Variants in DNAH8 observed in about 807,000 individuals in gnomAD.
DNAH8 encodes the protein dynein axonemal heavy chain 8.
DNAH8 carries 382 observed loss-of-function variants against 562.1 expected under a neutral mutation model. That is an observed-to-expected ratio of 0.68 (90% CI 0.63 to 0.74). The LOEUF is 0.74. Among genes scored for constraint, DNAH8 ranks in the 30% least tolerant of loss-of-function variants. The pLI is 0.00. For missense variants in DNAH8, 5,203 were observed against 5,620.4 expected (o/e 0.93, Z 2.37); for synonymous variants, 1,881 against 1,919.4 (o/e 0.98, Z 0.52).
chr6:38,869,147 A>G (rs1777279922), intron 48 of DNAH8, among the ~76,000 whole-genome samples: 1 of 152,202 alleles, frequency 6.6e-6, no homozygotes, highest in Non-Finnish European at 1.5e-5. Flanking sequence ...TTAGTGTTAC[A>G]AAGTCTTTTC....
chr6:38,908,321 T>C (rs1479785155), intron 64 of DNAH8, among the ~76,000 whole-genome samples: 1 of 152,196 alleles, frequency 6.6e-6, no homozygotes, highest in Non-Finnish European at 1.5e-5. Context: ...TATTAAAAAA[T>C]ACTGCATAAC....
At chr6:38,929,154 G>A (rs112363686) in intron 74 of DNAH8, among the ~76,000 whole-genome samples, 1,738 of 152,228 alleles carry the variant, frequency 0.011, 25 homozygotes, top group Middle Eastern at 0.037. Flanking sequence ...ATCCAGATAT[G>A]CAAGTTGCTT....
At chr6:38,882,497 G>A (rs565120558) in intron 53 of DNAH8, among the ~76,000 whole-genome samples, 1 of 152,286 alleles carries the variant, frequency 6.6e-6, no homozygotes, top group South Asian at 2.1e-4. Context: ...AATTATAAGT[G>A]GGAGCTAAAT....
intron 88 of DNAH8, among the ~76,000 whole-genome samples, chr6:39,003,811 T>A (rs1387618115): frequency 6.6e-6 from 1 of 152,218 alleles, no homozygotes; most frequent in Non-Finnish European, 1.5e-5. Flanking sequence ...GATTATTGCT[T>A]CTAAAACAGC....
intron 88 of DNAH8, among the ~76,000 whole-genome samples, chr6:39,006,070 C>T (rs1765781693): frequency 2.0e-5 from 3 of 152,190 alleles, no homozygotes; most frequent in African/African-American, 4.8e-5. Flanking sequence ...CCTGCAATCT[C>T]GAGGAAGTTA....
chr6:38,798,608 C>T (rs141907172), intron 21 of DNAH8, among the ~76,000 whole-genome samples: 125 of 152,336 alleles, frequency 8.2e-4, no homozygotes, highest in African/African-American at 2.7e-3. Context: ...TGACACAGGA[C>T]ATCTGTGCAG....
chr6:38,747,125 G>T (rs1765009015), intron 8 of DNAH8, among the ~76,000 whole-genome samples: 1 of 152,064 alleles, frequency 6.6e-6, no homozygotes, highest in African/African-American at 2.4e-5. Flanking sequence ...CTTACTATGT[G>T]CCAAGCGTTG....
At chr6:38,734,690 T>C (rs2127578786) in intron 5 of DNAH8, 65 bp downstream of exon 5, 2 of 1,518,640 alleles carry the variant, frequency 1.3e-6, no homozygotes, top group Admixed American at 2.1e-5. Context: ...GTCACACTTA[T>C]GCTTTACTTT....
intron 9 of DNAH8, among the ~76,000 whole-genome samples, chr6:38,754,428 A>G (rs184532694): frequency 1.3e-5 from 2 of 152,244 alleles, no homozygotes; most frequent in Admixed American, 1.3e-4. Context: ...GGTTAACTAT[A>G]AAGTAATGGT....
At chr6:38,858,191 G>T (rs1217175724) in intron 42 of DNAH8, among the ~76,000 whole-genome samples, 1 of 152,268 alleles carries the variant, frequency 6.6e-6, no homozygotes, top group African/African-American at 2.4e-5. Context: ...TTAGAAATGG[G>T]ACTCTAACCA....
intron 83 of DNAH8, 97 bp from the exon 84 acceptor site, chr6:38,973,564 T>G: frequency 1.1e-6 from 1 of 890,454 alleles, no homozygotes; most frequent in Non-Finnish European, 1.7e-6. Context: ...CAAAACAGAG[T>G]ATTCACATGG....
intron 32 of DNAH8, among the ~76,000 whole-genome samples, chr6:38,836,512 A>G (rs1774314228): frequency 8.2e-6 from 1 of 122,522 alleles, no homozygotes; most frequent in South Asian, 2.6e-4. Flanking sequence ...CAAAAAAACC[A>G]TCTCAAAAAA....
intron 58 of DNAH8, 27 bp downstream of exon 58, chr6:38,890,788 T>A (rs760568973): frequency 1.4e-5 from 21 of 1,492,124 alleles, no homozygotes; most frequent in Non-Finnish European, 2.0e-5. Context: ...CAATAATTTT[T>A]AAAAAGGCAA....
At position 38,982,404 on chromosome 6, in the gene DNAH8, A is replaced by C; in HGVS notation, c.12893A>C (p.Asp4298Ala). ...ATTCCCTACGAATTCAATTCTGCTGACTTTTCAGCCAGTGTTCAGTTTATT... is the reference window on the plus strand; with the variant it reads ...ATTCCCTACGAATTCAATTCTGCTGCCTTTTCAGCCAGTGTTCAGTTTATT... ...WNIPYEFNSA[D>A]FSASVQFIQN... The change falls in exon 86 of 93, where the codon GAC (aspartate) becomes GCC (alanine). Residue 4298 changes from aspartate (D) to alanine (A), a missense_variant. Physicochemically the swap from Asp to Ala is moderately radical, Grantham distance 126 (BLOSUM62 -2). Around this residue, in one of 6 missense-constraint regions of DNAH8, gnomAD observed 1,399 missense variants for 1,518.4 expected, o/e 0.92. Coordinates refer to ENST00000327475, the MANE Select transcript of DNAH8 (RefSeq NM_001206927.2). The C allele has an allele frequency of 1.2e-6, 2 of 1,612,656 alleles. No individual in the cohort carries two copies. The highest frequency in any genetic ancestry group is 2.2e-5 in the East Asian group (1 of 44,854).
chr6:38,921,362 T>C lies in DNAH8; in HGVS notation c.10525-7T>C, dbSNP rs1781692988. The C allele has an allele frequency of 1.2e-6, 2 of 1,611,694 alleles. No individual in the cohort carries two copies. The highest frequency in any genetic ancestry group is 1.7e-6 in the Non-Finnish European group (2 of 1,179,238). ...CTAATACACTAACCACGTCTTCTTC[T>C]TTTCAGGCCAACCTGGCCAAGCAGG... On this transcript the variant is annotated splice_polypyrimidine_tract_variant and splice_region_variant and intron_variant, in intron 70 of 92. Transcript: ENST00000327475.
chr6:38,929,592 A>G lies in DNAH8; in HGVS notation c.11200A>G (p.Ile3734Val), dbSNP rs576898999. The change falls in exon 75 of 93, where the codon ATT (isoleucine) becomes GTT (valine). Residue 3734 changes from isoleucine to valine, a missense_variant. By Grantham distance (29) the Ile-to-Val change is conservative. Transcript: ENST00000327475. Reference sequence around the variant, plus strand: ...GGGCCGACCCCTTCTCATTGAGGACATTCATGAAGAGCTGGATCCAGCCTT... The same window carrying G: ...GGGCCGACCCCTTCTCATTGAGGACGTTCATGAAGAGCTGGATCCAGCCTT... ...SLGRPLLIED[I>V]HEELDPALDN... The G allele has an allele frequency of 6.2e-7, 1 of 1,612,806 alleles. No homozygotes were observed. Among genetic ancestry groups the G allele is most frequent in the South Asian group, 1.1e-5 (1 of 90,960 alleles).
intron 47 of DNAH8, 71 bp from the exon 48 acceptor site, chr6:38,867,991 A>G (rs189853786): frequency 4.2e-5 from 63 of 1,502,722 alleles, no homozygotes; most frequent in Admixed American, 1.2e-4. Context: ...ACCTATATGC[A>G]TAGAGTGAGC....
At chr6:38,762,662 GA>G (rs1766634412) in intron 11 of DNAH8, among the ~76,000 whole-genome samples, 1 of 152,230 alleles carries the variant, frequency 6.6e-6, no homozygotes, top group Non-Finnish European at 1.5e-5. Context: ...TTGAAAGTTT[GA>G]AAGAAATGGC....
chr6:38,885,809 C>G (rs544292768), intron 56 of DNAH8, among the ~76,000 whole-genome samples: 2 of 152,302 alleles, frequency 1.3e-5, no homozygotes, highest in South Asian at 4.2e-4. Flanking sequence ...TTGAGTCACA[C>G]CCTTGAGCCC....
Sources: gnomAD v4.1 joint callset for allele counts (sites outside exome capture counted in the v4.1 genomes callset) on GRCh38, gnomAD v4.1.1 for gene constraint, gnomAD v4.1.1 regional missense constraint, MANE v1.5 for transcripts, NCBI Gene and HGNC (gene_info 2026-07-23, HGNC 2026-07-21) for gene names.